Variants in SRGAP2C observed in about 807,000 individuals in gnomAD.
The protein encoded by SRGAP2C is SLIT-ROBO Rho GTPase activating protein 2C.
SRGAP2C carries 15 observed loss-of-function variants against 25.1 expected under a neutral mutation model. The ratio of observed to expected loss-of-function variants is 0.60; its 90% CI spans 0.40 to 0.92. The LOEUF is 0.92. Ranked by LOEUF, SRGAP2C falls within the 40% of genes least tolerant of loss-of-function variation. The pLI is 0.00. For missense variants in SRGAP2C, 144 were observed against 264.4 expected (o/e 0.54, Z 3.16); for synonymous variants, 44 against 96.6 (o/e 0.46, Z 3.19).
At chr1:121,325,012 AC>A (rs1423971644) in intron 4 of SRGAP2C, among the ~76,000 whole-genome samples, 1 of 147,546 alleles carries the variant, frequency 6.8e-6, no homozygotes, top group African/African-American at 2.5e-5. Context: ...CAGGGCTGGT[AC>A]TATAATTCAT....
rs1463466284 is a variant in SRGAP2C at position 121,389,309 on chromosome 1, TATTA to T, written c.*1457_*1460del. 3.0e-5 allele frequency: 4 copies of T among 132,694 alleles called. No homozygotes were observed. The highest frequency in any genetic ancestry group is 1.6e-5 in the Non-Finnish European group (1 of 62,560). 8.2% of individuals were successfully genotyped at this position (132,694 alleles called of 1,614,324 possible). ...TCTTCACCATCATCATTAATTTATT[TATTA>T]ATCATTATTAAATTATTCATTGATC... On this transcript the variant is annotated 3_prime_UTR_variant, in exon 10 of 10. Coordinates refer to ENST00000367123, the MANE Select transcript of SRGAP2C (RefSeq NM_001329984.2).
chr1:121,267,391 C>T (rs1349857244), intron 2 of SRGAP2C, among the ~76,000 whole-genome samples: 16 of 150,706 alleles, frequency 1.1e-4, no homozygotes, highest in Non-Finnish European at 1.9e-4. Context: ...GGGGTTCTGC[C>T]ATGTTGGCCA....
intron 4 of SRGAP2C, among the ~76,000 whole-genome samples, chr1:121,329,931 C>G (rs1327413400): frequency 2.6e-5 from 4 of 151,534 alleles, no homozygotes; most frequent in African/African-American, 9.7e-5. Context: ...TCTGTCTAAC[C>G]TCTGTTGGAA....
intron 2 of SRGAP2C, among the ~76,000 whole-genome samples, chr1:121,198,964 T>C (rs1553321204): frequency 6.6e-6 from 1 of 152,166 alleles, no homozygotes; most frequent in African/African-American, 2.4e-5. Flanking sequence ...GGTCTCAAAA[T>C]CCCTAGTTTC....
intron 2 of SRGAP2C, among the ~76,000 whole-genome samples, chr1:121,197,113 GA>G (rs1654849125): frequency 8.0e-6 from 1 of 125,592 alleles, no homozygotes; most frequent in Non-Finnish European, 1.7e-5. Flanking sequence ...CCTCTCTTTG[GA>G]ATGGGTCCTC....
At chr1:121,273,871 G>C (rs587663196) in intron 2 of SRGAP2C, among the ~76,000 whole-genome samples, 1 of 151,850 alleles carries the variant, frequency 6.6e-6, no homozygotes, top group South Asian at 2.1e-4. Flanking sequence ...GGGTGGGATT[G>C]AGAGTCACGC....
rs1656561835 is a variant in SRGAP2C at position 121,259,503 on chromosome 1, G to C, written c.68-25300G>C. ...AAAAAAAAAAAGAGAAGAAAATAGA[G>C]TAGAAGACCCTTTTTTTCTTTTAGC... On this transcript the variant is annotated intron_variant, in intron 2 of 9. Coordinates refer to ENST00000367123, the MANE Select transcript of SRGAP2C (RefSeq NM_001329984.2). Among the ~76,000 whole-genome samples, 3 of 133,522 alleles carry C rather than the reference G, an allele frequency of 2.2e-5. No homozygotes were observed. In the Admixed American group the frequency reaches 2.3e-4, roughly 10 times the overall value. 87.6% of individuals were successfully genotyped at this position (133,522 alleles called of 152,430 possible). A position where few individuals can be genotyped will look rare whatever the true frequency, so the allele number is the denominator to read the frequency against.
At chr1:121,222,781 GCAGA>G (rs1655564083) in intron 2 of SRGAP2C, among the ~76,000 whole-genome samples, 1 of 152,080 alleles carries the variant, frequency 6.6e-6, no homozygotes, top group African/African-American at 2.4e-5. Context: ...TTTCATTTAT[GCAGA>G]CAGACTTCCT....
At chr1:121,308,455 G>A (rs1408507250) in intron 3 of SRGAP2C, among the ~76,000 whole-genome samples, 1 of 151,190 alleles carries the variant, frequency 6.6e-6, no homozygotes, top group Non-Finnish European at 1.5e-5. Flanking sequence ...AATTTCCAGA[G>A]AATCAGATGA....
chr1:121,321,787 C>A (rs1174229237), intron 3 of SRGAP2C, among the ~76,000 whole-genome samples: 1 of 152,172 alleles, frequency 6.6e-6, no homozygotes, highest in Admixed American at 6.5e-5. Flanking sequence ...TGTTTATTGA[C>A]CCATCTTTGT....
intron 3 of SRGAP2C, among the ~76,000 whole-genome samples, chr1:121,303,591 CT>C (rs1169768371): frequency 4.2e-4 from 63 of 148,718 alleles, no homozygotes; most frequent in Non-Finnish European, 7.9e-4. Flanking sequence ...TAAATATGCT[CT>C]TTGTAACTGA....
chr1:121,335,217 C>A (rs1553342336), intron 4 of SRGAP2C, among the ~76,000 whole-genome samples: 2 of 150,610 alleles, frequency 1.3e-5, no homozygotes, highest in African/African-American at 2.4e-5. Context: ...CACTTGAACC[C>A]GGAAGGTGGA....
intron 2 of SRGAP2C, among the ~76,000 whole-genome samples, chr1:121,192,379 AAAC>A (rs1189586602): frequency 6.6e-6 from 1 of 152,174 alleles, no homozygotes; most frequent in Admixed American, 6.5e-5. Context: ...TCAGGGGAAA[AAAC>A]AACAACAAAA....
At chr1:121,237,101 TC>T (rs1321101583) in intron 2 of SRGAP2C, among the ~76,000 whole-genome samples, 4 of 80,838 alleles carry the variant, frequency 4.9e-5, no homozygotes, top group African/African-American at 2.0e-4. Flanking sequence ...CATCAAGTCA[TC>T]CTCAAAGTTG....
Position 121,235,131 on chromosome 1 carries a change from C to G in SRGAP2C, c.67+47618C>G, listed in dbSNP as rs1655923236. Reference sequence around the variant, plus strand: ...CCGCCTCCCGGGTTCACGCCATTCTCCATTCTCCAGCTTCAGCTCCCGAGT... The same window carrying G: ...CCGCCTCCCGGGTTCACGCCATTCTGCATTCTCCAGCTTCAGCTCCCGAGT... On this transcript the variant is annotated intron_variant, in intron 2 of 9. Transcript: ENST00000367123. 6.1e-5 allele frequency among the ~76,000 whole-genome samples: 9 copies of G among 146,674 alleles called. No individual in the cohort carries two copies. The South Asian group carries it at 2.0e-3, about 32-fold the overall frequency.
chr1:121,372,450 C>T lies in SRGAP2C; in HGVS notation c.487-1521C>T, dbSNP rs1449749683. Among the ~76,000 whole-genome samples, 7 of 142,982 alleles carry T rather than the reference C, an allele frequency of 4.9e-5. No homozygotes were observed. In the South Asian group the frequency reaches 1.4e-3, roughly 29 times the overall value. 93.8% of individuals were successfully genotyped at this position (142,982 alleles called of 152,430 possible). On this transcript the variant is annotated intron_variant, in intron 5 of 9. Coordinates refer to ENST00000367123, the MANE Select transcript of SRGAP2C (RefSeq NM_001329984.2). ...AATATTTCCAGACACTGCCACATTT[C>T]CCCTGGGGGCCAAAATAGCCCCAGG...
chr1:121,283,775 C>T (rs1420197412), intron 2 of SRGAP2C, among the ~76,000 whole-genome samples: 3 of 151,706 alleles, frequency 2.0e-5, no homozygotes, highest in African/African-American at 7.3e-5. Context: ...ATACACACTG[C>T]AAGCCTTCTC....
chr1:121,261,052 C>A lies in SRGAP2C; in HGVS notation c.68-23751C>A, dbSNP rs587638393. Among the ~76,000 whole-genome samples, 5 of 112,294 alleles carry A rather than the reference C, an allele frequency of 4.5e-5. No individual in the cohort carries two copies. The East Asian group carries it at 1.3e-3, about 28-fold the overall frequency. The allele number at this position is 112,294 out of a possible 152,430, so 73.7% of individuals were successfully genotyped here. A position where few individuals can be genotyped will look rare whatever the true frequency, so the allele number is the denominator to read the frequency against. Reference sequence around the variant, plus strand: ...CAGGCAATCCTCCCACCTCAGCCTCCCAAGTAGCTGGGACCACAGACATGC... The same window carrying A: ...CAGGCAATCCTCCCACCTCAGCCTCACAAGTAGCTGGGACCACAGACATGC... On this transcript the variant is annotated intron_variant, in intron 2 of 9. Transcript: ENST00000367123.
At chr1:121,385,545 C>A (rs1553356166) in intron 8 of SRGAP2C, among the ~76,000 whole-genome samples, 1 of 140,172 alleles carries the variant, frequency 7.1e-6, no homozygotes, top group Non-Finnish European at 1.5e-5. Flanking sequence ...AAGTCCCAGC[C>A]CCCTCCATTT....
Sources: gnomAD v4.1 joint callset for allele counts (sites outside exome capture counted in the v4.1 genomes callset) on GRCh38, gnomAD v4.1.1 for gene constraint, MANE v1.5 for transcripts, NCBI Gene and HGNC (gene_info 2026-07-23, HGNC 2026-07-21) for gene names.